FAM81B: variants seen among roughly 807,000 people sequenced by gnomAD.
The protein encoded by FAM81B is protein FAM81B.
A neutral mutation model predicts 58.7 loss-of-function variants in FAM81B; 60 were observed. The ratio of observed to expected loss-of-function variants is 1.02; its 90% CI spans 0.83 to 1.27. The LOEUF is 1.27. Ranked by LOEUF, FAM81B falls within the 50% of genes most tolerant of loss-of-function variation. The pLI, the probability that FAM81B is intolerant of heterozygous loss-of-function variation, is 0.00. For missense variants in FAM81B, 491 were observed against 522.0 expected (o/e 0.94, Z 0.58); for synonymous variants, 189 against 179.6 (o/e 1.05, Z -0.42).
At chr5:95,443,543 G>A (rs934424181) in intron 7 of FAM81B, among the ~76,000 whole-genome samples, 21 of 152,092 alleles carry the variant, frequency 1.4e-4, no homozygotes, top group Non-Finnish European at 8.8e-5. Context: ...TGTCATCTAA[G>A]ATAGATTCAT....
chr5:95,447,161 G>A (rs1174438477), intron 8 of FAM81B, among the ~76,000 whole-genome samples: 1 of 152,082 alleles, frequency 6.6e-6, no homozygotes, highest in Non-Finnish European at 1.5e-5. Context: ...TTTGGGGTGA[G>A]GCTACCAAGG....
At chr5:95,422,909 A>G (rs145838920) in intron 5 of FAM81B, among the ~76,000 whole-genome samples, 1 of 152,336 alleles carries the variant, frequency 6.6e-6, no homozygotes, top group East Asian at 1.9e-4. Context: ...CAGTGATTTT[A>G]GGACAAGGTC....
rs181778590 is a variant in FAM81B at position 95,436,776 on chromosome 5, C to T, written c.787-24C>T. On this transcript the variant is annotated intron_variant, in intron 6 of 9. Coordinates refer to ENST00000283357, the MANE Select transcript of FAM81B (RefSeq NM_152548.3). ...ATGCTGGTGGTTTTGTTCATATGCA[C>T]AAACCCTCTCGTACTTTGACTAGGT... 181 of 1,517,004 alleles carry T rather than the reference C, an allele frequency of 1.2e-4. 3 individuals are homozygous for T. In the African/African-American group the frequency reaches 2.2e-3, roughly 19 times the overall value. 94.0% of individuals were successfully genotyped at this position (1,517,004 alleles called of 1,614,324 possible).
intron 3 of FAM81B, among the ~76,000 whole-genome samples, chr5:95,411,215 C>A (rs528207271): frequency 2.0e-5 from 3 of 152,180 alleles, no homozygotes; most frequent in Admixed American, 2.0e-4. Flanking sequence ...GACCTAGGAC[C>A]AGTTAACTAT....
intron 3 of FAM81B, among the ~76,000 whole-genome samples, chr5:95,402,248 T>A (rs571946587): frequency 2.0e-5 from 3 of 152,226 alleles, no homozygotes. Context: ...TGTTCTTCCA[T>A]GGTTGATTTA....
chr5:95,428,769 C>T, intron 6 of FAM81B, 37 bp downstream of exon 6: 1 of 1,612,564 alleles, frequency 6.2e-7, no homozygotes, highest in Non-Finnish European at 8.5e-7. Context: ...TTACGTGTTA[C>T]TGCCAGAAGT....
intron 7 of FAM81B, among the ~76,000 whole-genome samples, 185 bp downstream of exon 7, chr5:95,437,091 T>G (rs1745134526): frequency 6.6e-6 from 1 of 152,078 alleles, no homozygotes. Flanking sequence ...ATAAAAGAAT[T>G]ATGAATATTA....
At chr5:95,392,064 G>A (rs1349603285) in intron 1 of FAM81B, among the ~76,000 whole-genome samples, 4 of 152,154 alleles carry the variant, frequency 2.6e-5, no homozygotes, top group East Asian at 1.9e-4. Flanking sequence ...TATGTTTATT[G>A]CAGCACTGTT....
At chr5:95,418,554 T>C (rs774740366) in intron 4 of FAM81B, among the ~76,000 whole-genome samples, 4 of 152,204 alleles carry the variant, frequency 2.6e-5, no homozygotes, top group African/African-American at 4.8e-5. Flanking sequence ...TTATAGTACA[T>C]TGTTATAATA....
intron 7 of FAM81B, among the ~76,000 whole-genome samples, chr5:95,437,643 A>G (rs1329616222): frequency 1.3e-5 from 2 of 152,124 alleles, no homozygotes; most frequent in African/African-American, 4.8e-5. Context: ...GGCCTACATT[A>G]TTTCTTTTTA....
intron 8 of FAM81B, 33 bp from the exon 9 acceptor site, chr5:95,448,236 T>C: frequency 6.5e-7 from 1 of 1,545,710 alleles, no homozygotes; most frequent in Non-Finnish European, 8.8e-7. Context: ...CCATGTACAT[T>C]TCTGAAGTTT....
intron 5 of FAM81B, among the ~76,000 whole-genome samples, chr5:95,426,705 C>A (rs2152766494): frequency 1.3e-5 from 2 of 152,298 alleles, no homozygotes; most frequent in South Asian, 4.2e-4. Context: ...ACCATGGCAT[C>A]ATTTCCCCTT....
chr5:95,435,117 T>C (rs1745049423), intron 6 of FAM81B, among the ~76,000 whole-genome samples: 1 of 152,220 alleles, frequency 6.6e-6, no homozygotes, highest in Non-Finnish European at 1.5e-5. Flanking sequence ...TACTCAGACA[T>C]TGGCTAGGCA....
Position 95,400,329 on chromosome 5 carries a change from T to C in FAM81B, c.293+4154T>C, listed in dbSNP as rs141921085. On this transcript the variant is annotated intron_variant, in intron 3 of 9. Coordinates refer to ENST00000283357, the MANE Select transcript of FAM81B (RefSeq NM_152548.3). Reference sequence around the variant, plus strand: ...TCCCTGGCACTCCTTGGCTTGTAGATGTGTCAGTCCAATCTCTGCCTCCAT... The same window carrying C: ...TCCCTGGCACTCCTTGGCTTGTAGACGTGTCAGTCCAATCTCTGCCTCCAT... Among the ~76,000 whole-genome samples, 495 of 152,230 alleles carry C rather than the reference T, an allele frequency of 3.3e-3. 1 individual carries two copies. The highest frequency in any genetic ancestry group is 5.5e-3 in the Admixed American group (84 of 15,286).
At chr5:95,439,394 C>G (rs1745239077) in intron 7 of FAM81B, among the ~76,000 whole-genome samples, 2 of 151,104 alleles carry the variant, frequency 1.3e-5, no homozygotes, top group African/African-American at 4.9e-5. Flanking sequence ...TAATACTGGC[C>G]AAAGGATGAA....
intron 7 of FAM81B, chr5:95,440,515 T>G: frequency 1.7e-6 from 1 of 581,864 alleles, no homozygotes; most frequent in Non-Finnish European, 3.3e-6. Flanking sequence ...AGACAAAATA[T>G]TATTGGTTTT....
At chr5:95,437,933 G>A (rs1459634084) in intron 7 of FAM81B, among the ~76,000 whole-genome samples, 1 of 151,992 alleles carries the variant, frequency 6.6e-6, no homozygotes, top group African/African-American at 2.4e-5. Context: ...CCAGTATCCT[G>A]ATAATACTCT....
At chr5:95,429,957 T>G (rs1744803785) in intron 6 of FAM81B, among the ~76,000 whole-genome samples, 1 of 152,192 alleles carries the variant, frequency 6.6e-6, no homozygotes, top group Non-Finnish European at 1.5e-5. Flanking sequence ...ACCACCATAT[T>G]GGTTGTTTTT....
intron 3 of FAM81B, among the ~76,000 whole-genome samples, chr5:95,401,402 G>A (rs991771217): frequency 2.0e-5 from 3 of 152,104 alleles, no homozygotes; most frequent in African/African-American, 7.2e-5. Context: ...ACCCCCCAGA[G>A]CATTCAGCCC....
Sources: gnomAD v4.1 joint callset for allele counts (sites outside exome capture counted in the v4.1 genomes callset) on GRCh38, gnomAD v4.1.1 for gene constraint, MANE v1.5 for transcripts, NCBI Gene and HGNC (gene_info 2026-07-23, HGNC 2026-07-21) for gene names.